TBC1D22A: variants seen among roughly 807,000 people sequenced by gnomAD.
TBC1D22A encodes the protein putative GTPase activator.
In TBC1D22A, 38 loss-of-function variants were observed where a neutral mutation model predicts 60.2. The ratio of observed to expected loss-of-function variants is 0.63; its 90% CI spans 0.49 to 0.83. The LOEUF (loss-of-function observed/expected upper bound fraction) is 0.83. Among genes scored for constraint, TBC1D22A ranks in the 40% least tolerant of loss-of-function variants. The pLI is 0.00. For missense variants in TBC1D22A, 628 were observed against 701.0 expected (o/e 0.90, Z 1.18); for synonymous variants, 302 against 281.7 (o/e 1.07, Z -0.72).
At chr22:47,075,324 C>T (rs1342972486) in intron 11 of TBC1D22A, among the ~76,000 whole-genome samples, 1 of 151,690 alleles carries the variant, frequency 6.6e-6, no homozygotes, top group Non-Finnish European at 1.5e-5. Context: ...TTGTAGGGTG[C>T]TGAGCTTTCA....
At chr22:46,903,668 C>G (rs1017859801) in intron 7 of TBC1D22A, among the ~76,000 whole-genome samples, 2 of 152,272 alleles carry the variant, frequency 1.3e-5, no homozygotes, top group African/African-American at 4.8e-5. Context: ...CCTGCCTGCC[C>G]CAGCAGGGTA....
intron 4 of TBC1D22A, among the ~76,000 whole-genome samples, chr22:46,833,229 A>G (rs2086384807): frequency 6.6e-6 from 1 of 152,230 alleles, no homozygotes; most frequent in African/African-American, 2.4e-5. Context: ...GTGTCAATGC[A>G]CTAATGTGAC....
chr22:47,007,837 T>G (rs1444992380), intron 10 of TBC1D22A, among the ~76,000 whole-genome samples: 1 of 152,162 alleles, frequency 6.6e-6, no homozygotes, highest in Non-Finnish European at 1.5e-5. Flanking sequence ...AAGCCCCATC[T>G]CCAGATACAG....
At chr22:46,951,840 T>C (rs1366969276) in intron 8 of TBC1D22A, among the ~76,000 whole-genome samples, 1 of 152,256 alleles carries the variant, frequency 6.6e-6, no homozygotes, top group African/African-American at 2.4e-5. Context: ...GATGCTTTCA[T>C]CCCTGAGCAC....
At chr22:47,043,223 G>T (rs1208902117) in intron 11 of TBC1D22A, among the ~76,000 whole-genome samples, 1 of 152,270 alleles carries the variant, frequency 6.6e-6, no homozygotes, top group Non-Finnish European at 1.5e-5. Flanking sequence ...ATGGCAGGGG[G>T]TCCTGAATTG....
intron 5 of TBC1D22A, among the ~76,000 whole-genome samples, chr22:46,890,899 GTAT>G (rs1437434539): frequency 1.3e-5 from 2 of 152,210 alleles, no homozygotes; most frequent in Non-Finnish European, 2.9e-5. Flanking sequence ...ATCCTGTCTG[GTAT>G]ATGAGGCCTC....
intron 8 of TBC1D22A, among the ~76,000 whole-genome samples, chr22:46,959,431 C>T (rs530971152): frequency 6.6e-6 from 1 of 152,292 alleles, no homozygotes; most frequent in South Asian, 2.1e-4. Flanking sequence ...GTGTGGCTGC[C>T]GCAGCGGGCA....
At chr22:46,966,326 C>T (rs1289631500) in intron 8 of TBC1D22A, among the ~76,000 whole-genome samples, 1 of 152,152 alleles carries the variant, frequency 6.6e-6, no homozygotes, top group Non-Finnish European at 1.5e-5. Context: ...GTGTGAGCTG[C>T]GTCCCTCTGT....
chr22:47,095,695 T>C (rs775674687), intron 11 of TBC1D22A, among the ~76,000 whole-genome samples: 1 of 152,236 alleles, frequency 6.6e-6, no homozygotes, highest in Non-Finnish European at 1.5e-5. Context: ...TGAGCTTCTC[T>C]CAAACTCCAG....
At chr22:46,880,794 G>T (rs1011053189) in intron 5 of TBC1D22A, among the ~76,000 whole-genome samples, 7 of 152,138 alleles carry the variant, frequency 4.6e-5, no homozygotes, top group African/African-American at 1.7e-4. Context: ...GGGAGGGTGT[G>T]GAGACTTGCA....
chr22:47,075,171 C>T (rs1308496697), intron 11 of TBC1D22A, among the ~76,000 whole-genome samples: 11 of 144,572 alleles, frequency 7.6e-5, no homozygotes, highest in Admixed American at 6.7e-4. Flanking sequence ...TGCAGTGAGA[C>T]GAGATCACAC....
At chr22:47,157,190 G>A (rs970434923) in intron 12 of TBC1D22A, among the ~76,000 whole-genome samples, 17 of 152,320 alleles carry the variant, frequency 1.1e-4, no homozygotes, top group Non-Finnish European at 2.2e-4. Context: ...CAGCATCTGG[G>A]AGAGCAGCAT....
At chr22:47,002,900 A>C (rs2061445893) in intron 10 of TBC1D22A, among the ~76,000 whole-genome samples, 1 of 152,200 alleles carries the variant, frequency 6.6e-6, no homozygotes, top group African/African-American at 2.4e-5. Flanking sequence ...AAGGAGCAGC[A>C]GCCCAGAGGC....
chr22:46,904,618 G>A (rs1047251402), intron 7 of TBC1D22A, among the ~76,000 whole-genome samples: 11 of 151,696 alleles, frequency 7.3e-5, no homozygotes, highest in African/African-American at 2.2e-4. Context: ...ACAGGCGCCC[G>A]CCACCACGCC....
intron 5 of TBC1D22A, among the ~76,000 whole-genome samples, chr22:46,881,253 A>T (rs1379747637): frequency 2.0e-5 from 3 of 152,242 alleles, no homozygotes; most frequent in South Asian, 4.1e-4. Flanking sequence ...TCATTCATCC[A>T]TTCATTCATC....
At chr22:47,023,661 A>G (rs1488562421) in intron 10 of TBC1D22A, among the ~76,000 whole-genome samples, 3 of 152,266 alleles carry the variant, frequency 2.0e-5, no homozygotes, top group Non-Finnish European at 2.9e-5. Context: ...CATTGGAAGC[A>G]TCAAGCCTGG....
At chr22:47,082,468 A>G (rs1417726579) in intron 11 of TBC1D22A, among the ~76,000 whole-genome samples, 4 of 152,344 alleles carry the variant, frequency 2.6e-5, no homozygotes, top group East Asian at 1.9e-4. Flanking sequence ...CAGGGAGGGT[A>G]TATTTATAAT....
In TBC1D22A at chr22:46,793,661, G is replaced by T. The variant is rs772925609; in HGVS notation, c.280G>T (p.Val94Phe). 16 of 1,613,474 alleles carry T rather than the reference G, an allele frequency of 9.9e-6. No individual in the cohort carries two copies. The South Asian group carries it at 1.8e-4, about 18-fold the overall frequency. Reference sequence around the variant, plus strand: ...GGCGGAGAGCCTGAACTCCGAGGTGGTCATGGAGACGGCCAACCGTGTGCT... The same window carrying T: ...GGCGGAGAGCCTGAACTCCGAGGTGTTCATGGAGACGGCCAACCGTGTGCT... The part of the protein sequence containing the change: ...MAAESLNSEV[V>F]METANRVLRN... Residue 94 changes from valine (V) to phenylalanine (F), a missense_variant, in exon 3 of 13, where the codon GTC becomes TTC. Physicochemically the swap from Val to Phe is conservative, Grantham distance 50. Coordinates refer to ENST00000337137, the MANE Select transcript of TBC1D22A (RefSeq NM_014346.5).
At chr22:46,921,246 C>T (rs190445413) in intron 8 of TBC1D22A, among the ~76,000 whole-genome samples, 2 of 152,296 alleles carry the variant, frequency 1.3e-5, no homozygotes, top group Admixed American at 6.5e-5. Flanking sequence ...TCCCGCTCTC[C>T]ACCCTCAGGC....
Sources: gnomAD v4.1 joint callset for allele counts (sites outside exome capture counted in the v4.1 genomes callset) on GRCh38, gnomAD v4.1.1 for gene constraint, MANE v1.5 for transcripts, NCBI Gene and HGNC (gene_info 2026-07-23, HGNC 2026-07-21) for gene names.